The following PCSK5 variants were observed in gnomAD, a reference collection of about 807,000 sequenced individuals.
PCSK5 encodes the protein proprotein convertase subtilisin/kexin type 5.
A neutral mutation model predicts 233.2 loss-of-function variants in PCSK5; 129 were observed. The observed-to-expected ratio is 0.55, with a 90% CI of 0.48 to 0.64. PCSK5 has a LOEUF of 0.64. PCSK5 is among the 30% of genes least tolerant of loss of function. The pLI, the probability that PCSK5 is intolerant of heterozygous loss-of-function variation, is 0.00. For missense variants in PCSK5, 2,076 were observed against 2,430.1 expected (o/e 0.85, Z 3.06); for synonymous variants, 825 against 879.2 (o/e 0.94, Z 1.09).
chr9:75,919,239 T>C (rs1466103312), intron 1 of PCSK5, among the ~76,000 whole-genome samples: 1 of 152,218 alleles, frequency 6.6e-6, no homozygotes, highest in East Asian at 1.9e-4. Flanking sequence ...TGAGTTTTGC[T>C]TTTTCCTTTG....
At chr9:76,173,376 T>G (rs1432309712) in intron 13 of PCSK5, among the ~76,000 whole-genome samples, 1 of 152,090 alleles carries the variant, frequency 6.6e-6, no homozygotes, top group African/African-American at 2.4e-5. Context: ...CTGAGGGGCA[T>G]TCTACCTTCC....
At chr9:75,933,187 A>G (rs1166676937) in intron 2 of PCSK5, among the ~76,000 whole-genome samples, 1 of 152,118 alleles carries the variant, frequency 6.6e-6, no homozygotes, top group Non-Finnish European at 1.5e-5. Context: ...GTCAGGGACA[A>G]ACTAATAGCC....
At chr9:76,015,901 A>C (rs914163044) in intron 3 of PCSK5, among the ~76,000 whole-genome samples, 1 of 151,804 alleles carries the variant, frequency 6.6e-6, no homozygotes, top group Non-Finnish European at 1.5e-5. Context: ...CTCATCTCCC[A>C]CCTCACCTTT....
chr9:76,292,605 C>T (rs569629542), intron 25 of PCSK5, among the ~76,000 whole-genome samples: 13 of 152,278 alleles, frequency 8.5e-5, no homozygotes, highest in Admixed American at 2.0e-4. Context: ...TGTTTGCAAA[C>T]GTCTGCATGG....
chr9:76,158,612 A>C (rs1822709190), intron 11 of PCSK5, among the ~76,000 whole-genome samples: 2 of 152,180 alleles, frequency 1.3e-5, no homozygotes, highest in Admixed American at 6.5e-5. Flanking sequence ...TCCATAGATC[A>C]GCTACGTCAC....
chr9:76,302,368 G>A (rs964181974), intron 28 of PCSK5, among the ~76,000 whole-genome samples, 151 bp downstream of exon 28: 2 of 151,978 alleles, frequency 1.3e-5, no homozygotes, highest in Non-Finnish European at 2.9e-5. Flanking sequence ...GAGACAGGAG[G>A]GGCAATAAAC....
At chr9:75,932,536 A>T in intron 2 of PCSK5, 53 bp downstream of exon 2, 1 of 1,032,930 alleles carries the variant, frequency 9.7e-7, no homozygotes, top group Non-Finnish European at 1.5e-6. Flanking sequence ...TGCATTTTTC[A>T]TTGGTAATAA....
chr9:76,013,607 G>A (rs189102304), intron 3 of PCSK5, among the ~76,000 whole-genome samples: 245 of 152,166 alleles, frequency 1.6e-3, no homozygotes, highest in Non-Finnish European at 1.8e-3. Context: ...CTTTCTTTCC[G>A]TCTGTTAATT....
At chr9:75,988,716 A>G (rs915783112) in intron 3 of PCSK5, among the ~76,000 whole-genome samples, 2 of 151,950 alleles carry the variant, frequency 1.3e-5, no homozygotes, top group African/African-American at 2.4e-5. Flanking sequence ...GTGCCTGGCC[A>G]TGAATATTTT....
chr9:75,950,141 GTGT>G (rs201767043), intron 2 of PCSK5, among the ~76,000 whole-genome samples: 28,344 of 65,110 alleles, frequency 0.44, 4,650 homozygotes, highest in East Asian at 0.57. Flanking sequence ...TTGTGTGTGT[GTGT>G]GGGGGGGGCG....
intron 5 of PCSK5, among the ~76,000 whole-genome samples, chr9:76,042,726 A>G (rs1829174696): frequency 6.6e-6 from 1 of 152,176 alleles, no homozygotes; most frequent in Non-Finnish European, 1.5e-5. Flanking sequence ...CTGAGGAAGT[A>G]TTTTCCCTTA....
intron 3 of PCSK5, among the ~76,000 whole-genome samples, chr9:75,992,169 T>C (rs1354028255): frequency 6.6e-6 from 1 of 152,178 alleles, no homozygotes; most frequent in African/African-American, 2.4e-5. Flanking sequence ...ATCTATATAA[T>C]TGAAGTCCCT....
chr9:75,964,322 A>G (rs966111273), intron 2 of PCSK5, among the ~76,000 whole-genome samples: 1 of 152,198 alleles, frequency 6.6e-6, no homozygotes, highest in Non-Finnish European at 1.5e-5. Context: ...ATCTTATATT[A>G]TAATGTTTTT....
At chr9:76,278,777 T>C (rs925745967) in intron 24 of PCSK5, among the ~76,000 whole-genome samples, 3 of 152,290 alleles carry the variant, frequency 2.0e-5, no homozygotes, top group Non-Finnish European at 2.9e-5. Flanking sequence ...ATTTTTTACA[T>C]AGCCTATCAT....
At chr9:75,987,431 C>T (rs938109887) in intron 3 of PCSK5, among the ~76,000 whole-genome samples, 1 of 152,112 alleles carries the variant, frequency 6.6e-6, no homozygotes, top group African/African-American at 2.4e-5. Flanking sequence ...GGGCGGGTCT[C>T]TTGAGGGCAA....
intron 9 of PCSK5, among the ~76,000 whole-genome samples, chr9:76,113,036 G>A (rs1213045909): frequency 6.6e-6 from 1 of 152,106 alleles, no homozygotes; most frequent in Non-Finnish European, 1.5e-5. Context: ...TCCTAGAGAA[G>A]TTCAATTGCT....
rs73466435 is a variant in PCSK5, at chr9:76,351,179, C to T, written c.5067+251C>T. Among the ~76,000 whole-genome samples the T allele has an allele frequency of 5.9e-3, 903 of 152,066 alleles. 10 individuals are homozygous for T. The highest frequency in any genetic ancestry group is 0.019 in the African/African-American group (787 of 41,478). ...TGGGGAAGTTAAGTCGTGAGGGCCT[C>T]GGAATGAATTCTACATTTGTTATTC... is the stretch of plus-strand genomic sequence containing the variant. On this transcript the variant is annotated intron_variant, in intron 36 of 37. Coordinates refer to ENST00000674117, the MANE Select transcript of PCSK5 (RefSeq NM_001372043.1).
intron 7 of PCSK5, among the ~76,000 whole-genome samples, chr9:76,081,378 C>T (rs572488697): frequency 8.5e-4 from 129 of 152,144 alleles, no homozygotes; most frequent in Non-Finnish European, 1.2e-3. Context: ...CACTTGAACC[C>T]GGGAGGCAGA....
intron 3 of PCSK5, among the ~76,000 whole-genome samples, chr9:75,987,813 T>C (rs1826587894): frequency 6.6e-6 from 1 of 152,176 alleles, no homozygotes. Flanking sequence ...AAGAATGTAA[T>C]GGGATTAAGA....
Sources: allele counts gnomAD v4.1 joint callset (sites outside exome capture counted in the v4.1 genomes callset), GRCh38; gene constraint gnomAD v4.1.1; transcripts MANE v1.5; gene names NCBI Gene and HGNC (gene_info 2026-07-23, HGNC 2026-07-21).